The following FNIP1 variants were observed in gnomAD, a reference collection of about 807,000 sequenced individuals.
The protein encoded by FNIP1 is folliculin-interacting protein 1.
A neutral mutation model predicts 124.5 loss-of-function variants in FNIP1; 40 were observed. The ratio of observed to expected loss-of-function variants is 0.32; its 90% CI spans 0.25 to 0.42. The LOEUF is 0.42. FNIP1 is among the 10% of genes least tolerant of loss of function. The pLI is 1.00. For missense variants in FNIP1, 1,176 were observed against 1,403.7 expected, an observed-to-expected ratio of 0.84 and a Z score of 2.59; for synonymous variants, 472 against 470.6, an observed-to-expected ratio of 1.00 and a Z score of -0.04.
intron 10 of FNIP1, among the ~76,000 whole-genome samples, chr5:131,702,336 C>T (rs1332000029): frequency 1.3e-5 from 2 of 152,094 alleles, no homozygotes; most frequent in African/African-American, 4.8e-5. Flanking sequence ...TCCCCCATGC[C>T]TGGCTAATTT....
intron 1 of FNIP1, among the ~76,000 whole-genome samples, chr5:131,792,990 A>G (rs1235957261): frequency 6.6e-6 from 1 of 152,202 alleles, no homozygotes; most frequent in Non-Finnish European, 1.5e-5. Context: ...ACTTCAAAAC[A>G]ACCTTCTTTG....
intron 15 of FNIP1, among the ~76,000 whole-genome samples, chr5:131,669,864 G>A (rs568851948): frequency 2.1e-4 from 32 of 151,500 alleles, no homozygotes; most frequent in Non-Finnish European, 3.2e-4. Flanking sequence ...CGATGTCCAT[G>A]GTCACCACTT....
At chr5:131,779,206 A>G (rs984036915) in intron 1 of FNIP1, among the ~76,000 whole-genome samples, 1 of 152,088 alleles carries the variant, frequency 6.6e-6, no homozygotes, top group Non-Finnish European at 1.5e-5. Flanking sequence ...AACATTCTAT[A>G]GACAAATAAG....
At chr5:131,667,171 A>G (rs1767627512) in intron 15 of FNIP1, among the ~76,000 whole-genome samples, 1 of 152,220 alleles carries the variant, frequency 6.6e-6, no homozygotes, top group Non-Finnish European at 1.5e-5. Context: ...GTTATGTTTT[A>G]TACTACATTT....
intron 2 of FNIP1, among the ~76,000 whole-genome samples, chr5:131,742,879 T>C (rs1186891607): frequency 6.6e-6 from 1 of 152,224 alleles, no homozygotes; most frequent in African/African-American, 2.4e-5. Flanking sequence ...GGAGAGTATT[T>C]ACAGGATTTT....
chr5:131,662,636 C>T (rs1767474454), intron 15 of FNIP1, among the ~76,000 whole-genome samples: 1 of 151,590 alleles, frequency 6.6e-6, no homozygotes, highest in Admixed American at 6.6e-5. Context: ...ACTTGTGGAA[C>T]TTTTGCCATT....
At chr5:131,739,833 A>AAAAAAAAC (rs1770454338) in intron 2 of FNIP1, among the ~76,000 whole-genome samples, 2 of 148,376 alleles carry the variant, frequency 1.3e-5, no homozygotes, top group African/African-American at 5.2e-5. Context: ...AAAAAAAAAA[A>AAAAAAAAC]AAAACACTGT....
intron 2 of FNIP1, among the ~76,000 whole-genome samples, chr5:131,736,415 G>A (rs992214216): frequency 6.6e-6 from 1 of 152,200 alleles, no homozygotes; most frequent in Admixed American, 6.5e-5. Context: ...CAGTTGGCTT[G>A]ACTTATCCAC....
rs1395976985 is a variant in FNIP1, at chr5:131,681,143, A to G, written c.1203-1968T>C. Among the ~76,000 whole-genome samples the G allele has an allele frequency of 2.6e-5, 4 of 152,202 alleles. No homozygotes were observed. In the East Asian group the frequency reaches 7.7e-4, roughly 29 times the overall value. Reference sequence around the variant, plus strand: ...TATAGCAGTTGAATGGCCCCGAGGAATGACCTTTTCCAAACTCTTCCTGGC... The same window carrying G: ...TATAGCAGTTGAATGGCCCCGAGGAGTGACCTTTTCCAAACTCTTCCTGGC... On this transcript the variant is annotated intron_variant, in intron 11 of 17. Transcript: ENST00000510461.
intron 6 of FNIP1, among the ~76,000 whole-genome samples, chr5:131,714,487 G>A (rs1355330425): frequency 6.6e-6 from 1 of 152,198 alleles, no homozygotes; most frequent in Non-Finnish European, 1.5e-5. Flanking sequence ...ACTACACCAA[G>A]CATTAACTCT....
intron 15 of FNIP1, among the ~76,000 whole-genome samples, chr5:131,665,962 C>T (rs1312606975): frequency 1.4e-5 from 2 of 143,782 alleles, no homozygotes; most frequent in South Asian, 2.2e-4. Context: ...AGTGCAGTGG[C>T]GTGATCTCAC....
chr5:131,646,955 G>C, intron 17 of FNIP1, 135 bp downstream of exon 17: 6 of 708,776 alleles, frequency 8.5e-6, no homozygotes, highest in Non-Finnish European at 1.5e-5. Context: ...ATGGTACAGG[G>C]CAACCTAAAT....
chr5:131,739,450 T>C (rs1327547832), intron 2 of FNIP1, among the ~76,000 whole-genome samples: 1 of 152,234 alleles, frequency 6.6e-6, no homozygotes, highest in Admixed American at 6.5e-5. Context: ...CCAAAATTCC[T>C]GAACGTATTT....
intron 1 of FNIP1, among the ~76,000 whole-genome samples, chr5:131,785,530 G>C (rs1772177755): frequency 6.8e-6 from 1 of 147,766 alleles, no homozygotes; most frequent in Non-Finnish European, 1.5e-5. Context: ...ACTCCAGCTT[G>C]GGCAACAGAG....
At chr5:131,748,484 G>A (rs1242895302) in intron 1 of FNIP1, among the ~76,000 whole-genome samples, 1 of 152,024 alleles carries the variant, frequency 6.6e-6, no homozygotes, top group African/African-American at 2.4e-5. Context: ...ACAAGGTCAG[G>A]AGATTGAGAC....
chr5:131,769,769 T>C (rs1232963018), intron 1 of FNIP1, among the ~76,000 whole-genome samples: 2 of 152,180 alleles, frequency 1.3e-5, no homozygotes, highest in Admixed American at 1.3e-4. Context: ...TCCTGCTTTT[T>C]TGTTTCACTG....
intron 11 of FNIP1, among the ~76,000 whole-genome samples, chr5:131,683,685 G>GT (rs1768169681): frequency 6.6e-6 from 1 of 151,572 alleles, no homozygotes. Context: ...ATTTTTATTG[G>GT]TTTTTCTTTT....
At chr5:131,781,172 T>G (rs1386361615) in intron 1 of FNIP1, among the ~76,000 whole-genome samples, 1 of 152,212 alleles carries the variant, frequency 6.6e-6, no homozygotes, top group Non-Finnish European at 1.5e-5. Flanking sequence ...CTCAACTCTA[T>G]GAAGTCTGAG....
chr5:131,644,862 A>G (rs767018406), intron 17 of FNIP1, 99 bp from the exon 18 acceptor site: 1 of 1,176,208 alleles, frequency 8.5e-7, no homozygotes, highest in Non-Finnish European at 1.2e-6. Flanking sequence ...CTATACCTCA[A>G]CGGTTAAGGA....
Sources: gnomAD v4.1 joint callset for allele counts (sites outside exome capture counted in the v4.1 genomes callset) on GRCh38, gnomAD v4.1.1 for gene constraint, MANE v1.5 for transcripts, NCBI Gene and HGNC (gene_info 2026-07-23, HGNC 2026-07-21) for gene names.